MGAT5: variants seen among roughly 807,000 people sequenced by gnomAD.
MGAT5 encodes alpha-1,6-mannosylglycoprotein 6-beta-N-acetylglucosaminyltransferase A.
In MGAT5, 30 loss-of-function variants were observed where a neutral mutation model predicts 94.3. The ratio of observed to expected loss-of-function variants is 0.32; its 90% CI spans 0.24 to 0.43. The LOEUF (loss-of-function observed/expected upper bound fraction) is 0.43. Among genes scored for constraint, MGAT5 ranks in the 20% least tolerant of loss-of-function variants. The pLI is 1.00. For missense variants in MGAT5, 691 were observed against 905.5 expected, an observed-to-expected ratio of 0.76 and a Z score of 3.04; for synonymous variants, 310 against 322.9, an observed-to-expected ratio of 0.96 and a Z score of 0.43.
At chr2:134,134,545 A>G (rs1303947600) in intron 1 of MGAT5, among the ~76,000 whole-genome samples, 3 of 152,316 alleles carry the variant, frequency 2.0e-5, no homozygotes, top group Non-Finnish European at 2.9e-5. Flanking sequence ...AAGCCACACA[A>G]TAAGGCTGAT....
rs1685505010 is a variant in MGAT5 at position 134,441,869 on chromosome 2, G to A, written c.1981G>A (p.Glu661Lys). Reference sequence around the variant, plus strand: ...GTGCCAGGAGAGCCAGCTCATCTGCGAGCCTTCTTTCTTCCAGCACCTCAA... The same window carrying A: ...GTGCCAGGAGAGCCAGCTCATCTGCAAGCCTTCTTTCTTCCAGCACCTCAA... The part of the protein sequence containing the change: ...QVCQESQLIC[E>K]PSFFQHLNKD... The change falls in exon 15 of 16, where the codon GAG (glutamate) becomes AAG (lysine). Residue 661 changes from glutamate (E) to lysine (K), a missense_variant. Transcript: ENST00000281923. 6.2e-7 allele frequency: 1 copy of A among 1,613,944 alleles called. No homozygotes were observed. Among genetic ancestry groups the A allele is most frequent in the African/African-American group, 1.3e-5 (1 of 74,884 alleles).
intron 1 of MGAT5, among the ~76,000 whole-genome samples, chr2:134,152,939 T>A (rs572138801): frequency 6.9e-6 from 1 of 144,438 alleles, no homozygotes. Context: ...AATCTCACTC[T>A]GTCGCCCAGG....
intron 11 of MGAT5, among the ~76,000 whole-genome samples, chr2:134,408,800 T>C (rs1683485090): frequency 1.3e-5 from 2 of 152,236 alleles, no homozygotes; most frequent in African/African-American, 4.8e-5. Flanking sequence ...GTTTTCTTCA[T>C]ACCCAGCCCC....
At chr2:134,120,669 G>A (rs957883218) in intron 1 of MGAT5, among the ~76,000 whole-genome samples, 4 of 152,004 alleles carry the variant, frequency 2.6e-5, no homozygotes. Context: ...GGGGATGGCA[G>A]ATGGGCGCTC....
At chr2:134,358,450 G>A (rs770914993) in intron 9 of MGAT5, among the ~76,000 whole-genome samples, 5 of 152,180 alleles carry the variant, frequency 3.3e-5, no homozygotes, top group African/African-American at 7.2e-5. Flanking sequence ...AAGGAAAAGC[G>A]TGTTTATTGC....
intron 1 of MGAT5, among the ~76,000 whole-genome samples, chr2:134,129,983 C>T (rs1051734486): frequency 2.0e-5 from 3 of 152,198 alleles, no homozygotes. Context: ...CACTCACAGG[C>T]CAGCGCAAGT....
At chr2:134,278,683 C>T (rs1415236972) in intron 2 of MGAT5, among the ~76,000 whole-genome samples, 2 of 152,194 alleles carry the variant, frequency 1.3e-5, no homozygotes, top group African/African-American at 4.8e-5. Flanking sequence ...AGCCTCAGGA[C>T]TGCTAAATTT....
upstream of MGAT5, chr2:134,252,962 CAG>C (rs1682706820): frequency 6.6e-6 from 1 of 152,170 alleles, no homozygotes; most frequent in Non-Finnish European, 1.5e-5. Context: ...TCTAATAAAA[CAG>C]AGACGATAAT....
At chr2:134,336,521 A>G (rs2105981056) in intron 5 of MGAT5, among the ~76,000 whole-genome samples, 1 of 152,262 alleles carries the variant, frequency 6.6e-6, no homozygotes, top group South Asian at 2.1e-4. Flanking sequence ...TGATATGAGT[A>G]AGACCTGGTA....
chr2:134,426,993 T>C (rs77588405), intron 13 of MGAT5, among the ~76,000 whole-genome samples: 1 of 152,336 alleles, frequency 6.6e-6, no homozygotes, highest in Non-Finnish European at 1.5e-5. Context: ...TGTGCATTTG[T>C]TCAGCATTTG....
chr2:134,121,135 C>T (rs1004016250), intron 1 of MGAT5, among the ~76,000 whole-genome samples: 20 of 152,178 alleles, frequency 1.3e-4, no homozygotes, highest in African/African-American at 4.8e-4. Flanking sequence ...GCCTGTGGCT[C>T]TTTCGCGCCC....
chr2:134,233,514 C>T (rs949148378), intron 1 of MGAT5, among the ~76,000 whole-genome samples: 1 of 152,180 alleles, frequency 6.6e-6, no homozygotes, highest in Non-Finnish European at 1.5e-5. Context: ...GATATGCTTA[C>T]ATCCTTTGAG....
intron 10 of MGAT5, among the ~76,000 whole-genome samples, chr2:134,390,362 G>T (rs997411583): frequency 3.3e-5 from 5 of 151,574 alleles, no homozygotes; most frequent in South Asian, 2.1e-4. Flanking sequence ...TTGTTTGTTT[G>T]TTTTTTTATT....
chr2:134,353,993 G>A (rs954697907), intron 9 of MGAT5, among the ~76,000 whole-genome samples: 2 of 152,138 alleles, frequency 1.3e-5, no homozygotes, highest in African/African-American at 4.8e-5. Flanking sequence ...ATGTGACAAA[G>A]GCCTGGAGTC....
chr2:134,264,193 T>C (rs1477976345), intron 1 of MGAT5, among the ~76,000 whole-genome samples: 1 of 152,116 alleles, frequency 6.6e-6, no homozygotes, highest in African/African-American at 2.4e-5. Flanking sequence ...CAGTTAATTT[T>C]GTATTTTTAG....
intron 1 of MGAT5, among the ~76,000 whole-genome samples, chr2:134,136,206 G>A (rs1686401851): frequency 6.6e-6 from 1 of 152,098 alleles, no homozygotes; most frequent in South Asian, 2.1e-4. Flanking sequence ...TGTTGCACCT[G>A]TTGCTAGATA....
chr2:134,149,757 A>T (rs1443654311), intron 1 of MGAT5, among the ~76,000 whole-genome samples: 1 of 152,216 alleles, frequency 6.6e-6, no homozygotes, highest in African/African-American at 2.4e-5. Flanking sequence ...AGGAATAATT[A>T]TAGAGGTTGA....
At chr2:134,163,326 C>T (rs1465099339) in intron 1 of MGAT5, among the ~76,000 whole-genome samples, 44 of 152,054 alleles carry the variant, frequency 2.9e-4, no homozygotes, top group Non-Finnish European at 1.5e-5. Context: ...TATTGAAGGC[C>T]CTGCTTTTAG....
chr2:134,366,323 A>G (rs568768671), intron 10 of MGAT5, among the ~76,000 whole-genome samples: 3 of 152,358 alleles, frequency 2.0e-5, no homozygotes, highest in South Asian at 2.1e-4. Context: ...AGTGTTAACT[A>G]TATTACTTTA....
Sources: gnomAD v4.1 joint callset for allele counts (sites outside exome capture counted in the v4.1 genomes callset) on GRCh38, gnomAD v4.1.1 for gene constraint, MANE v1.5 for transcripts, NCBI Gene and HGNC (gene_info 2026-07-23, HGNC 2026-07-21) for gene names.